Variants in PRKAR2B observed in about 807,000 individuals in gnomAD.
The protein encoded by PRKAR2B is protein kinase cAMP-dependent type II regulatory subunit beta.
PRKAR2B carries 14 observed loss-of-function variants against 49.9 expected under a neutral mutation model. The ratio of observed to expected loss-of-function variants is 0.28; its 90% CI spans 0.19 to 0.44. The LOEUF is 0.44. Ranked by LOEUF, PRKAR2B falls within the 20% of genes least tolerant of loss-of-function variation. The pLI is 1.00. For missense variants in PRKAR2B, 393 were observed against 537.9 expected, an observed-to-expected ratio of 0.73 and a Z score of 2.67; for synonymous variants, 196 against 197.7, an observed-to-expected ratio of 0.99 and a Z score of 0.07.
chr7:107,052,359 A>C (rs988625515), intron 1 of PRKAR2B, among the ~76,000 whole-genome samples: 8 of 152,206 alleles, frequency 5.3e-5, no homozygotes, highest in African/African-American at 1.9e-4. Context: ...CGGAGGTTGC[A>C]GTGAGCCGAG....
chr7:107,096,859 A>G (rs1794848855), intron 2 of PRKAR2B, among the ~76,000 whole-genome samples: 2 of 152,176 alleles, frequency 1.3e-5, no homozygotes, highest in African/African-American at 4.8e-5. Flanking sequence ...GTTTGATTGC[A>G]CTGTGGTCTG....
intron 2 of PRKAR2B, among the ~76,000 whole-genome samples, chr7:107,095,242 C>G (rs59103028): frequency 0.086 from 13,024 of 152,088 alleles, 623 homozygotes; most frequent in African/African-American, 0.13. Context: ...AGTTGGATTC[C>G]TAGGTATTTT....
intron 1 of PRKAR2B, among the ~76,000 whole-genome samples, chr7:107,055,600 A>G (rs1793897153): frequency 6.6e-6 from 1 of 152,230 alleles, no homozygotes; most frequent in Non-Finnish European, 1.5e-5. Flanking sequence ...TTTTGGCTGC[A>G]TAAATGTCTT....
chr7:107,109,104 C>T (rs1795127689), intron 2 of PRKAR2B, among the ~76,000 whole-genome samples: 1 of 152,082 alleles, frequency 6.6e-6, no homozygotes, highest in Non-Finnish European at 1.5e-5. Flanking sequence ...TGAGGAGTTC[C>T]CAGAACCATG....
intron 3 of PRKAR2B, among the ~76,000 whole-genome samples, chr7:107,123,022 G>A (rs1584440128): frequency 6.6e-6 from 1 of 152,098 alleles, no homozygotes; most frequent in South Asian, 2.1e-4. Flanking sequence ...TTACCCCTCT[G>A]TATAGTCTGA....
chr7:107,072,068 CAA>C (rs33947575), intron 2 of PRKAR2B, among the ~76,000 whole-genome samples: 25 of 121,980 alleles, frequency 2.0e-4, no homozygotes, highest in Admixed American at 4.8e-4. Context: ...GACCGCATCT[CAA>C]AAAAAAAAAA....
chr7:107,062,254 A>T (rs550542089), intron 1 of PRKAR2B, among the ~76,000 whole-genome samples: 1 of 152,334 alleles, frequency 6.6e-6, no homozygotes, highest in South Asian at 2.1e-4. Flanking sequence ...TGTAAACAAA[A>T]TGAAAAGACA....
intron 4 of PRKAR2B, among the ~76,000 whole-genome samples, chr7:107,137,979 T>C (rs1454850228): frequency 6.6e-6 from 1 of 152,088 alleles, no homozygotes; most frequent in Non-Finnish European, 1.5e-5. Context: ...ACCTGTGTTT[T>C]CAGACCAAAA....
chr7:107,117,682 G>A (rs1266414206), intron 2 of PRKAR2B, among the ~76,000 whole-genome samples: 3 of 151,270 alleles, frequency 2.0e-5, no homozygotes, highest in Non-Finnish European at 1.5e-5. Flanking sequence ...ACAACAAAAT[G>A]TTGTGGGCTT....
At chr7:107,108,442 A>G (rs1444690813) in intron 2 of PRKAR2B, among the ~76,000 whole-genome samples, 4 of 152,232 alleles carry the variant, frequency 2.6e-5, no homozygotes, top group African/African-American at 9.6e-5. Flanking sequence ...CGTGACAAGG[A>G]CATGGCAGGC....
chr7:107,143,071 G>A (rs1040183920), intron 5 of PRKAR2B, among the ~76,000 whole-genome samples: 5 of 152,000 alleles, frequency 3.3e-5, no homozygotes, highest in Non-Finnish European at 4.4e-5. Context: ...CCTAGCCTGC[G>A]GTATTTTAAC....
intron 4 of PRKAR2B, among the ~76,000 whole-genome samples, chr7:107,132,182 A>T (rs1795614848): frequency 6.6e-6 from 1 of 152,214 alleles, no homozygotes; most frequent in African/African-American, 2.4e-5. Flanking sequence ...TCACCAGGTG[A>T]GGAAAAGTAC....
intron 1 of PRKAR2B, among the ~76,000 whole-genome samples, chr7:107,060,008 A>G (rs954076721): frequency 1.3e-5 from 2 of 152,104 alleles, no homozygotes; most frequent in Non-Finnish European, 2.9e-5. Flanking sequence ...GCAAAAATGT[A>G]AAACAAAGTC....
chr7:107,119,999 A>C (rs187155922), intron 2 of PRKAR2B, among the ~76,000 whole-genome samples: 7 of 152,264 alleles, frequency 4.6e-5, no homozygotes, highest in Non-Finnish European at 8.8e-5. Context: ...AAGACACACA[A>C]TCCTGGATAA....
chr7:107,067,573 T>A (rs569894297), intron 1 of PRKAR2B, among the ~76,000 whole-genome samples: 1 of 152,300 alleles, frequency 6.6e-6, no homozygotes, highest in African/African-American at 2.4e-5. Flanking sequence ...ATTAAAATAA[T>A]TTATAGCAAG....
At position 107,103,930 on chromosome 7, in the gene PRKAR2B, C is replaced by T. The variant is rs538183421; in HGVS notation, c.344-18022C>T. On this transcript the variant is annotated intron_variant, in intron 2 of 10. Transcript: ENST00000265717. ...CTCAATTTAAAGGCTCCTGATTATT[C>T]CCTTTTAGAGCTTCATAGAGTGGTT... Among the ~76,000 whole-genome samples the T allele has an allele frequency of 2.6e-5, 4 of 152,348 alleles. No homozygotes were observed. In the East Asian group the frequency reaches 5.8e-4, roughly 22 times the overall value.
intron 5 of PRKAR2B, among the ~76,000 whole-genome samples, chr7:107,144,361 C>G (rs1795849246): frequency 6.6e-6 from 1 of 152,130 alleles, no homozygotes; most frequent in African/African-American, 2.4e-5. Context: ...TCTGGGATTA[C>G]AGGCGTGAAC....
In PRKAR2B at chr7:107,153,305, G is replaced by A. The variant is rs554397949; in HGVS notation, c.918+54G>A. ...TAGGGTTATATTCCAAAAGGTTCCT[G>A]TAGTGGTAGATCTTGATAAACTTTT... On this transcript the variant is annotated intron_variant, in intron 8 of 10. Transcript: ENST00000265717. 9.3e-6 allele frequency: 12 copies of A among 1,293,476 alleles called. No homozygotes were observed. The African/African-American group carries it at 1.0e-4, about 11-fold the overall frequency. 80.1% of individuals were successfully genotyped at this position (1,293,476 alleles called of 1,614,324 possible).
chr7:107,098,841 G>A (rs1401256155), intron 2 of PRKAR2B, among the ~76,000 whole-genome samples: 1 of 152,210 alleles, frequency 6.6e-6, no homozygotes, highest in Non-Finnish European at 1.5e-5. Context: ...AAATATTGCA[G>A]AACGGCAAAT....
Sources: gnomAD v4.1 joint callset for allele counts (sites outside exome capture counted in the v4.1 genomes callset) on GRCh38, gnomAD v4.1.1 for gene constraint, MANE v1.5 for transcripts, NCBI Gene and HGNC (gene_info 2026-07-23, HGNC 2026-07-21) for gene names.